SOX6: variants seen among roughly 807,000 people sequenced by gnomAD.
SOX6 encodes SRY-box transcription factor 6, also known as transcription factor SOX-6.
SOX6 carries 11 observed loss-of-function variants against 97.8 expected under a neutral mutation model. The observed-to-expected ratio is 0.11, with a 90% confidence interval of 0.07 to 0.19. The LOEUF (loss-of-function observed/expected upper bound fraction) is 0.19. Among genes scored for constraint, SOX6 ranks in the 10% least tolerant of loss-of-function variants. The pLI is 1.00. For synonymous variants in SOX6, 360 were observed against 371.4 expected (o/e 0.97, Z 0.35); for missense variants, 810 against 1,039.5 (o/e 0.78, Z 3.04).
intron 3 of SOX6, among the ~76,000 whole-genome samples, chr11:16,269,110 C>A (rs1028317767): frequency 1.3e-5 from 2 of 149,858 alleles, no homozygotes; most frequent in East Asian, 3.9e-4. Flanking sequence ...ATAGATCTAA[C>A]GTTATCTTTT....
chr11:16,114,057 A>G (rs1044324599), intron 6 of SOX6, among the ~76,000 whole-genome samples: 24 of 152,318 alleles, frequency 1.6e-4, no homozygotes, highest in African/African-American at 5.5e-4. Flanking sequence ...GGTCCAGTAA[A>G]GAAAGGCTGT....
chr11:16,006,324 T>G (rs1240362298), intron 13 of SOX6, among the ~76,000 whole-genome samples: 2 of 152,088 alleles, frequency 1.3e-5, no homozygotes, highest in Non-Finnish European at 2.9e-5. Flanking sequence ...GCATATTTAT[T>G]TGGTGGTAAA....
chr11:16,016,456 G>C (rs935979847), intron 12 of SOX6, among the ~76,000 whole-genome samples: 1 of 151,990 alleles, frequency 6.6e-6, no homozygotes, highest in Non-Finnish European at 1.5e-5. Context: ...GCAGTATGTA[G>C]GGAAACCTCT....
At chr11:16,220,944 T>C (rs1384294454) in intron 4 of SOX6, among the ~76,000 whole-genome samples, 2 of 152,026 alleles carry the variant, frequency 1.3e-5, no homozygotes, top group African/African-American at 2.4e-5. Flanking sequence ...AGCCATTAAC[T>C]TCATTCAGAG....
intron 4 of SOX6, among the ~76,000 whole-genome samples, chr11:16,489,234 C>G (rs1390927606): frequency 6.6e-6 from 1 of 152,072 alleles, no homozygotes; most frequent in African/African-American, 2.4e-5. Flanking sequence ...AAAAAGTATG[C>G]AGTTCTACTA....
At chr11:16,145,199 C>A (rs186579606) in intron 6 of SOX6, among the ~76,000 whole-genome samples, 169 of 152,220 alleles carry the variant, frequency 1.1e-3, no homozygotes, top group African/African-American at 3.7e-3. Context: ...GTTCAACATG[C>A]GCAAATCAAT....
At position 16,416,536 on chromosome 11, in the gene SOX6, A is replaced by C. The variant is rs538457452; in HGVS notation, c.-5+59779T>G. On this transcript the variant is annotated intron_variant, in intron 1 of 15. Transcript: ENST00000396356. ...TACCAGCTAAAAAGTAAAGTCTGAA[A>C]ATCTGCCCCAAATTATTTAAATTAA... Among the ~76,000 whole-genome samples, 68 of 152,314 alleles carry C rather than the reference A, an allele frequency of 4.5e-4. No individual in the cohort carries two copies. The South Asian group carries it at 0.014, about 31-fold the overall frequency.
chr11:16,106,621 A>C (rs1849094969), intron 7 of SOX6, among the ~76,000 whole-genome samples: 1 of 152,010 alleles, frequency 6.6e-6, no homozygotes, highest in Non-Finnish European at 1.5e-5. Context: ...TAAACTTAGA[A>C]GCTAAAAAAA....
chr11:16,571,837 G>C (rs1161267118), intron 4 of SOX6, among the ~76,000 whole-genome samples: 1 of 152,120 alleles, frequency 6.6e-6, no homozygotes, highest in Non-Finnish European at 1.5e-5. Context: ...ATTTTTACTA[G>C]AGACAGGGTT....
At chr11:16,583,519 G>T (rs755204933) in intron 4 of SOX6, among the ~76,000 whole-genome samples, 20 of 148,980 alleles carry the variant, frequency 1.3e-4, no homozygotes, top group Non-Finnish European at 2.1e-4. Context: ...TTCCATATAT[G>T]AGTGACAACA....
At chr11:16,038,624 A>G (rs1855577163) in intron 12 of SOX6, among the ~76,000 whole-genome samples, 1 of 152,158 alleles carries the variant, frequency 6.6e-6, no homozygotes, top group South Asian at 2.1e-4. Context: ...CTGAGATATT[A>G]GCATAACAGT....
At chr11:16,258,354 G>A (rs1178871601) in intron 3 of SOX6, among the ~76,000 whole-genome samples, 1 of 63,232 alleles carries the variant, frequency 1.6e-5, no homozygotes, top group African/African-American at 5.5e-5. Context: ...GGTACATCCA[G>A]ACAATGAAAC....
intron 3 of SOX6, among the ~76,000 whole-genome samples, chr11:16,709,442 C>T (rs1181330316): frequency 1.3e-5 from 2 of 151,978 alleles, no homozygotes; most frequent in South Asian, 2.1e-4. Context: ...CACTTGAACT[C>T]AAGAGGTGGA....
chr11:16,138,805 G>T (rs966367533), intron 6 of SOX6, among the ~76,000 whole-genome samples: 4 of 151,886 alleles, frequency 2.6e-5, no homozygotes, highest in African/African-American at 7.3e-5. Context: ...GCGGTGTTTG[G>T]TTTTTTGTCC....
intron 2 of SOX6, among the ~76,000 whole-genome samples, chr11:16,717,857 C>T (rs1180598027): frequency 6.6e-6 from 1 of 151,484 alleles, no homozygotes; most frequent in Admixed American, 6.6e-5. Flanking sequence ...GCAACTCTTC[C>T]TCTTTGTTCT....
At chr11:16,469,112 T>C (rs1306343143) in intron 1 of SOX6, among the ~76,000 whole-genome samples, 1 of 150,586 alleles carries the variant, frequency 6.6e-6, no homozygotes, top group Non-Finnish European at 1.5e-5. Flanking sequence ...AAATAGGCCA[T>C]AATAATAATA....
intron 13 of SOX6, among the ~76,000 whole-genome samples, chr11:16,002,972 T>G (rs1854447436): frequency 6.6e-6 from 1 of 152,214 alleles, no homozygotes. Flanking sequence ...ACTAGCCTTC[T>G]GGCTGATATT....
intron 4 of SOX6, among the ~76,000 whole-genome samples, chr11:16,498,115 T>C (rs1271392553): frequency 6.6e-6 from 1 of 152,182 alleles, no homozygotes; most frequent in South Asian, 2.1e-4. Flanking sequence ...TAACAGCTGA[T>C]CTCTTGGCAG....
intron 12 of SOX6, among the ~76,000 whole-genome samples, chr11:16,040,876 G>A (rs1171248584): frequency 1.3e-5 from 2 of 152,090 alleles, no homozygotes; most frequent in East Asian, 3.9e-4. Flanking sequence ...TAATATATTT[G>A]GAGCATAGAA....
Sources: gnomAD v4.1 joint callset for allele counts (sites outside exome capture counted in the v4.1 genomes callset) on GRCh38, gnomAD v4.1.1 for gene constraint, MANE v1.5 for transcripts, NCBI Gene and HGNC (gene_info 2026-07-23, HGNC 2026-07-21) for gene names.